The following CNTN4 variants were observed in gnomAD, a reference collection of about 807,000 sequenced individuals.
The protein encoded by CNTN4 is contactin 4.
In CNTN4, 77 loss-of-function variants were observed where a neutral mutation model predicts 122.5. That is an observed-to-expected ratio of 0.63 (90% CI 0.52 to 0.76). The LOEUF (loss-of-function observed/expected upper bound fraction) is 0.76, where lower values mean the gene tolerates loss of function less well. Ranked by LOEUF, CNTN4 falls within the 30% of genes least tolerant of loss-of-function variation. CNTN4 has a pLI of 0.00. For missense variants in CNTN4, 1,256 were observed against 1,259.1 expected, an observed-to-expected ratio of 1.00 and a Z score of 0.04; for synonymous variants, 512 against 447.0, an observed-to-expected ratio of 1.15 and a Z score of -1.83.
chr3:2,579,264 GA>G (rs1052768556), intron 4 of CNTN4, among the ~76,000 whole-genome samples: 1 of 152,160 alleles, frequency 6.6e-6, no homozygotes. Context: ...AGGAAGACAG[GA>G]AAAAACCAGA....
intron 10 of CNTN4, among the ~76,000 whole-genome samples, chr3:2,896,796 A>G (rs530498601): frequency 1.3e-4 from 20 of 152,292 alleles, no homozygotes; most frequent in East Asian, 3.9e-4. Context: ...AAAGTCTACT[A>G]TCATTAAAAT....
At chr3:2,217,322 G>A (rs1024380030) in intron 2 of CNTN4, among the ~76,000 whole-genome samples, 1 of 152,034 alleles carries the variant, frequency 6.6e-6, no homozygotes, top group Non-Finnish European at 1.5e-5. Context: ...CTGTCTTGTC[G>A]CCTTTCTGAC....
At chr3:2,737,372 C>T (rs148107181) in intron 5 of CNTN4, among the ~76,000 whole-genome samples, 76 of 152,264 alleles carry the variant, frequency 5.0e-4, no homozygotes, top group African/African-American at 1.7e-3. Flanking sequence ...TGAACCACCA[C>T]GCCCAGCCCG....
intron 2 of CNTN4, among the ~76,000 whole-genome samples, chr3:2,228,742 C>G (rs920011736): frequency 1.2e-4 from 19 of 152,158 alleles, no homozygotes; most frequent in Middle Eastern, 3.4e-3. Flanking sequence ...ATATGAATGA[C>G]TATTAGAGTT....
intron 7 of CNTN4, among the ~76,000 whole-genome samples, chr3:2,866,192 C>T (rs117835977): frequency 6.6e-6 from 1 of 152,140 alleles, no homozygotes; most frequent in Non-Finnish European, 1.5e-5. Context: ...CTGTTTCTAA[C>T]TAGAGCTAAG....
intron 2 of CNTN4, among the ~76,000 whole-genome samples, chr3:2,204,005 AACAT>A (rs1262042308): frequency 2.6e-5 from 4 of 152,204 alleles, no homozygotes; most frequent in African/African-American, 9.6e-5. Context: ...GTGTATTTCA[AACAT>A]ACATATATAT....
chr3:2,170,952 A>G (rs1190027494), intron 2 of CNTN4, among the ~76,000 whole-genome samples: 2 of 152,216 alleles, frequency 1.3e-5, no homozygotes, highest in East Asian at 1.9e-4. Flanking sequence ...ACAAAAGCAC[A>G]TTACTCTGAA....
chr3:3,014,268 G>T (rs1697533564), intron 14 of CNTN4, among the ~76,000 whole-genome samples: 1 of 152,108 alleles, frequency 6.6e-6, no homozygotes, highest in South Asian at 2.1e-4. Flanking sequence ...CTTTCAGTCT[G>T]TAGTAGTACT....
chr3:2,486,015 C>T (rs2076150399), intron 3 of CNTN4, among the ~76,000 whole-genome samples: 1 of 152,172 alleles, frequency 6.6e-6, no homozygotes, highest in African/African-American at 2.4e-5. Context: ...CTTGCTGCTG[C>T]TCACTCTTTG....
At chr3:2,625,035 A>G (rs561451091) in intron 4 of CNTN4, among the ~76,000 whole-genome samples, 1 of 152,220 alleles carries the variant, frequency 6.6e-6, no homozygotes, top group Non-Finnish European at 1.5e-5. Flanking sequence ...GAGTAATAAT[A>G]GTAGCTACCT....
At chr3:2,595,007 T>C (rs1183804719) in intron 4 of CNTN4, among the ~76,000 whole-genome samples, 3 of 152,230 alleles carry the variant, frequency 2.0e-5, no homozygotes, top group South Asian at 2.1e-4. Flanking sequence ...CCATCTCACA[T>C]TGGGTATGTG....
intron 16 of CNTN4, among the ~76,000 whole-genome samples, chr3:3,033,121 G>A (rs1371813766): frequency 1.3e-5 from 2 of 152,068 alleles, no homozygotes; most frequent in African/African-American, 2.4e-5. Context: ...AGATTTTAAA[G>A]GACATCAGTG....
At chr3:2,575,798 TTC>T in intron 4 of CNTN4, among the ~76,000 whole-genome samples, 2 of 112,076 alleles carry the variant, frequency 1.8e-5, no homozygotes, top group African/African-American at 7.5e-5. Context: ...ATATTTTGCT[TTC>T]TTCTTCTTCT....
At chr3:2,296,159 G>A (rs577717367) in intron 2 of CNTN4, among the ~76,000 whole-genome samples, 26 of 152,132 alleles carry the variant, frequency 1.7e-4, no homozygotes, top group Middle Eastern at 3.4e-3. Flanking sequence ...TTGGCGATGC[G>A]GGCTCTTTTT....
chr3:3,046,281 C>T (rs1236782345), intron 23 of CNTN4, among the ~76,000 whole-genome samples: 1 of 152,082 alleles, frequency 6.6e-6, no homozygotes, highest in Non-Finnish European at 1.5e-5. Context: ...CAGAGAATGC[C>T]ACAAAGATAG....
chr3:2,364,036 G>A (rs1485129370), intron 3 of CNTN4, among the ~76,000 whole-genome samples: 1 of 152,026 alleles, frequency 6.6e-6, no homozygotes, highest in Non-Finnish European at 1.5e-5. Context: ...CCATCTGAGA[G>A]CTAGAGCTTT....
At chr3:2,617,073 G>C (rs62232690) in intron 4 of CNTN4, among the ~76,000 whole-genome samples, 1 of 151,946 alleles carries the variant, frequency 6.6e-6, no homozygotes, top group Non-Finnish European at 1.5e-5. Flanking sequence ...TTCAGGACAC[G>C]GGCACGGGCA....
intron 4 of CNTN4, among the ~76,000 whole-genome samples, chr3:2,687,285 T>TGAA (rs1426714241): frequency 6.6e-6 from 1 of 152,264 alleles, no homozygotes; most frequent in African/African-American, 2.4e-5. Flanking sequence ...TTTGGTTCCC[T>TGAA]GAAGTTCCCA....
intron 4 of CNTN4, among the ~76,000 whole-genome samples, chr3:2,732,503 TAAAAA>T (rs11368854): frequency 2.1e-5 from 3 of 139,580 alleles, no homozygotes; most frequent in African/African-American, 7.7e-5. Flanking sequence ...CTTACTGTGA[TAAAAA>T]AAAAAAAAAG....
Sources: allele counts gnomAD v4.1 joint callset (sites outside exome capture counted in the v4.1 genomes callset), GRCh38; gene constraint gnomAD v4.1.1; transcripts MANE v1.5; gene names NCBI Gene and HGNC (gene_info 2026-07-23, HGNC 2026-07-21).